The following MTRF1 variants were observed in gnomAD, a reference collection of about 807,000 sequenced individuals.
The protein encoded by MTRF1 is mitochondrial translation release factor 1, also known as peptide chain release factor 1, mitochondrial.
MTRF1 carries 51 observed loss-of-function variants against 62.9 expected under a neutral mutation model. The observed-to-expected ratio is 0.81, with a 90% CI of 0.65 to 1.02. The LOEUF (loss-of-function observed/expected upper bound fraction) is 1.02. MTRF1 is among the 50% of genes least tolerant of loss of function. The probability of loss-of-function intolerance (pLI) is 0.00; values close to 1 mark genes in which losing one functional copy is unlikely to be tolerated. For synonymous variants in MTRF1, 158 were observed against 181.9 expected, an observed-to-expected ratio of 0.87 and a Z score of 1.06; for missense variants, 446 against 530.0, an observed-to-expected ratio of 0.84 and a Z score of 1.56.
At chr13:41,302,068 C>T in the MTRF1 span, among the ~76,000 whole-genome samples, 1 of 151,946 alleles carries the variant, frequency 6.6e-6, no homozygotes, top group Non-Finnish European at 1.5e-5. Context: ...CCTCTGTTGC[C>T]TAGGCTGGAG....
intron 1 of MTRF1, chr13:41,261,747 T>G (rs1594078156): frequency 1.0e-6 from 1 of 975,030 alleles, no homozygotes; most frequent in East Asian, 1.1e-4. Context: ...AGAATGTAAG[T>G]TGCCTGTTCA....
At chr13:41,222,382 T>C (rs549564722) in intron 9 of MTRF1, among the ~76,000 whole-genome samples, 4 of 152,302 alleles carry the variant, frequency 2.6e-5, no homozygotes, top group African/African-American at 9.6e-5. Flanking sequence ...AACACCTCAA[T>C]CTAATGAAGA....
the MTRF1 span, among the ~76,000 whole-genome samples, chr13:41,289,571 A>T: frequency 6.6e-6 from 1 of 152,192 alleles, no homozygotes. Context: ...GGTGACAGTC[A>T]GCTCAGTGGT....
intron 2 of MTRF1, among the ~76,000 whole-genome samples, chr13:41,257,328 A>G (rs2039863252): frequency 6.6e-6 from 1 of 152,206 alleles, no homozygotes; most frequent in Non-Finnish European, 1.5e-5. Context: ...AGGTAGGGCT[A>G]CAAGTTAGGA....
the MTRF1 span, among the ~76,000 whole-genome samples, chr13:41,307,086 G>A: frequency 6.6e-6 from 1 of 152,116 alleles, no homozygotes; most frequent in Non-Finnish European, 1.5e-5. Context: ...GGTTCAGGAT[G>A]ACAACTACCA....
chr13:41,259,529 G>A (rs1418820933), intron 2 of MTRF1, among the ~76,000 whole-genome samples: 6 of 151,292 alleles, frequency 4.0e-5, no homozygotes, highest in East Asian at 3.9e-4. Flanking sequence ...GTGAAACCCC[G>A]TCTCTACTGA....
At chr13:41,273,288 T>G in the MTRF1 span, among the ~76,000 whole-genome samples, 4,645 of 149,086 alleles carry the variant, frequency 0.031, 255 homozygotes, top group African/African-American at 0.11. Flanking sequence ...ATCGCGCCAC[T>G]GCACTCCAGC....
chr13:41,303,365 G>T, the MTRF1 span, among the ~76,000 whole-genome samples: 3 of 152,188 alleles, frequency 2.0e-5, no homozygotes, highest in African/African-American at 4.8e-5. Context: ...TGTTAATAAT[G>T]ATGCTATGGG....
rs771609639 is a variant in MTRF1 at position 41,252,723 on chromosome 13, T to C, written c.619A>G (p.Ile207Val). ...GDICQQFTRE[I>V]FDMYQNYSCY... ...GAATAATTCTGGTACATGTCAAATATTTCTCGGGTAAATTGTTGGCAGATG... is the reference window on the plus strand; with the variant it reads ...GAATAATTCTGGTACATGTCAAATACTTCTCGGGTAAATTGTTGGCAGATG... The change falls in exon 5 of 10, where the codon ATA (isoleucine) becomes GTA (valine). Residue 207 changes from isoleucine (I) to valine (V), a missense_variant. Transcript: ENST00000379480. 39 of 1,613,560 alleles carry C rather than the reference T, an allele frequency of 2.4e-5. 1 individual carries two copies. In the Admixed American group the frequency reaches 6.3e-4, roughly 26 times the overall value.
the MTRF1 span, among the ~76,000 whole-genome samples, chr13:41,293,864 T>C: frequency 2.6e-5 from 4 of 152,112 alleles, no homozygotes; most frequent in Non-Finnish European, 5.9e-5. Flanking sequence ...AATTTTAAAA[T>C]TGTGTTATAG....
the MTRF1 span, among the ~76,000 whole-genome samples, chr13:41,277,374 C>T: frequency 5.5e-4 from 84 of 152,158 alleles, no homozygotes; most frequent in African/African-American, 6.7e-4. Context: ...TCAGATGATC[C>T]GCCTACCTGA....
chr13:41,241,879 G>A (rs893796558), intron 5 of MTRF1, among the ~76,000 whole-genome samples: 2 of 152,232 alleles, frequency 1.3e-5, no homozygotes. Flanking sequence ...GACGACAGGA[G>A]GTATACGGTG....
chr13:41,284,458 G>C, the MTRF1 span, among the ~76,000 whole-genome samples: 16 of 145,244 alleles, frequency 1.1e-4, no homozygotes, highest in Non-Finnish European at 1.9e-4. Flanking sequence ...TTGGGTGACA[G>C]AATGACACTC....
chr13:41,233,150 C>G (rs1475413591), intron 7 of MTRF1, among the ~76,000 whole-genome samples: 3 of 151,876 alleles, frequency 2.0e-5, no homozygotes, highest in African/African-American at 7.3e-5. Context: ...GCAATATTTG[C>G]CTATTATTTA....
chr13:41,273,101 T>A, the MTRF1 span, among the ~76,000 whole-genome samples: 2 of 151,516 alleles, frequency 1.3e-5, no homozygotes, highest in Non-Finnish European at 2.9e-5. Context: ...CCGAGGCGGG[T>A]GGATCACGAG....
At chr13:41,257,915 A>T in intron 2 of MTRF1, 1 of 200,932 alleles carries the variant, frequency 5.0e-6, no homozygotes, top group Non-Finnish European at 1.1e-5. Flanking sequence ...AGCACATAAG[A>T]GGACTTTGTA....
At chr13:41,259,799 T>C (rs1438127519) in intron 2 of MTRF1, among the ~76,000 whole-genome samples, 1 of 151,846 alleles carries the variant, frequency 6.6e-6, no homozygotes, top group African/African-American at 2.4e-5. Context: ...ACCCAATCAA[T>C]CCAGGCTGGT....
the MTRF1 span, among the ~76,000 whole-genome samples, chr13:41,308,884 C>A: frequency 1.8e-4 from 27 of 152,228 alleles, no homozygotes; most frequent in African/African-American, 6.5e-4. Flanking sequence ...CTACTCTCCA[C>A]CCTCAAGTAG....
chr13:41,293,642 G>T, the MTRF1 span, among the ~76,000 whole-genome samples: 2 of 152,234 alleles, frequency 1.3e-5, no homozygotes, highest in South Asian at 4.1e-4. Context: ...GATAGTCACA[G>T]GCTATAAAAA....
Sources: allele counts gnomAD v4.1 joint callset (sites outside exome capture counted in the v4.1 genomes callset), GRCh38; gene constraint gnomAD v4.1.1; transcripts MANE v1.5; gene names NCBI Gene and HGNC (gene_info 2026-07-23, HGNC 2026-07-21).